GPR39: variants seen among roughly 807,000 people sequenced by gnomAD.
GPR39 encodes the protein zinc sensing receptor.
A neutral mutation model predicts 18.4 loss-of-function variants in GPR39; 23 were observed. That is an observed-to-expected ratio of 1.25 (90% CI 0.90 to 1.77). The LOEUF is 1.77. Among genes scored for constraint, GPR39 ranks in the 40% most tolerant of loss-of-function variants. GPR39 has a pLI of 0.00. For missense variants in GPR39, 647 were observed against 602.4 expected (o/e 1.07, Z -0.78); for synonymous variants, 280 against 257.9 (o/e 1.09, Z -0.82).
chr2:132,419,062 T>C (rs1679962086), intron 1 of GPR39, among the ~76,000 whole-genome samples: 1 of 152,116 alleles, frequency 6.6e-6, no homozygotes, highest in Non-Finnish European at 1.5e-5. Flanking sequence ...GCTTCCAGTG[T>C]GTCATTAATT....
At chr2:132,462,765 T>C (rs1680857975) in intron 1 of GPR39, among the ~76,000 whole-genome samples, 1 of 152,230 alleles carries the variant, frequency 6.6e-6, no homozygotes, top group Non-Finnish European at 1.5e-5. Context: ...CTCTCTGCCT[T>C]GGTTTCCTCA....
chr2:132,593,818 G>C (rs12616373), intron 1 of GPR39, among the ~76,000 whole-genome samples: 61,823 of 151,666 alleles, frequency 0.41, 14,475 homozygotes, highest in East Asian at 0.8. Flanking sequence ...AGATATTTGA[G>C]GCTGCAAGTC....
chr2:132,566,280 C>A (rs1203683308), intron 1 of GPR39, among the ~76,000 whole-genome samples: 2 of 145,690 alleles, frequency 1.4e-5, no homozygotes, highest in East Asian at 4.0e-4. Flanking sequence ...TGTTTGAGTT[C>A]ATTGTAGATT....
At chr2:132,597,776 A>G (rs903553971) in intron 1 of GPR39, among the ~76,000 whole-genome samples, 1 of 152,238 alleles carries the variant, frequency 6.6e-6, no homozygotes, top group Non-Finnish European at 1.5e-5. Flanking sequence ...TATGAAAATG[A>G]TGATGAAAAT....
At chr2:132,589,878 T>C (rs529773572) in intron 1 of GPR39, among the ~76,000 whole-genome samples, 1 of 152,236 alleles carries the variant, frequency 6.6e-6, no homozygotes, top group Non-Finnish European at 1.5e-5. Flanking sequence ...TTTGTTTTAT[T>C]AAGGGAAGGG....
chr2:132,572,711 C>T (rs1459033307), intron 1 of GPR39, among the ~76,000 whole-genome samples: 1 of 152,122 alleles, frequency 6.6e-6, no homozygotes. Context: ...CACTTTCCCC[C>T]AAGTGGTAGC....
At chr2:132,484,634 G>T (rs761557489) in intron 1 of GPR39, among the ~76,000 whole-genome samples, 29 of 152,230 alleles carry the variant, frequency 1.9e-4, no homozygotes, top group Non-Finnish European at 3.4e-4. Flanking sequence ...TTCAGGGTAA[G>T]AATAAAGTAG....
intron 1 of GPR39, among the ~76,000 whole-genome samples, chr2:132,635,138 C>A (rs186310817): frequency 6.6e-6 from 1 of 152,306 alleles, no homozygotes. Context: ...ATGAGCCAGG[C>A]ACTAGGCCCC....
At chr2:132,564,362 C>G (rs909573882) in intron 1 of GPR39, among the ~76,000 whole-genome samples, 17 of 152,194 alleles carry the variant, frequency 1.1e-4, no homozygotes, top group Admixed American at 1.1e-3. Context: ...GAGCACATTA[C>G]AGATAATAAA....
chr2:132,585,744 C>T (rs1355255209), intron 1 of GPR39, among the ~76,000 whole-genome samples: 1 of 151,860 alleles, frequency 6.6e-6, no homozygotes, highest in African/African-American at 2.4e-5. Context: ...CCGGACAGCC[C>T]GGTGTTTTCT....
chr2:132,460,872 G>A (rs554164214), intron 1 of GPR39, among the ~76,000 whole-genome samples: 94 of 152,292 alleles, frequency 6.2e-4, no homozygotes, highest in African/African-American at 2.1e-3. Context: ...GGGCTTGCTC[G>A]GGGTTGGGCT....
intron 1 of GPR39, among the ~76,000 whole-genome samples, chr2:132,469,099 GTGGCAA>G (rs1043946233): frequency 2.6e-5 from 4 of 152,186 alleles, no homozygotes; most frequent in Non-Finnish European, 4.4e-5. Context: ...GAGACTGTAG[GTGGCAA>G]TTCCTGCAAG....
intron 1 of GPR39, among the ~76,000 whole-genome samples, chr2:132,551,746 C>T (rs554282664): frequency 1.2e-4 from 18 of 152,166 alleles, no homozygotes; most frequent in South Asian, 2.1e-4. Context: ...AAATGTAGAT[C>T]GAGAGGATAA....
chr2:132,635,251 C>T (rs766861396), intron 1 of GPR39, among the ~76,000 whole-genome samples: 2 of 152,212 alleles, frequency 1.3e-5, no homozygotes, highest in Non-Finnish European at 2.9e-5. Flanking sequence ...TCTTTCCCTC[C>T]TGCAAACATT....
chr2:132,584,965 G>C (rs550068375), intron 1 of GPR39, among the ~76,000 whole-genome samples: 2 of 152,202 alleles, frequency 1.3e-5, no homozygotes, highest in Non-Finnish European at 2.9e-5. Context: ...ACGGGGGAAG[G>C]GGAGGCCATG....
intron 1 of GPR39, among the ~76,000 whole-genome samples, chr2:132,514,408 T>C (rs1218681895): frequency 6.6e-6 from 1 of 152,204 alleles, no homozygotes; most frequent in East Asian, 1.9e-4. Context: ...TATCCAAGGA[T>C]ATCTGGAGCA....
chr2:132,499,694 T>A (rs1678972948), intron 1 of GPR39, among the ~76,000 whole-genome samples: 1 of 152,228 alleles, frequency 6.6e-6, no homozygotes, highest in South Asian at 2.1e-4. Context: ...TACCCATCCA[T>A]GAGCATGGGA....
At chr2:132,564,028 C>T (rs1680302927) in intron 1 of GPR39, among the ~76,000 whole-genome samples, 1 of 152,212 alleles carries the variant, frequency 6.6e-6, no homozygotes, top group Non-Finnish European at 1.5e-5. Context: ...CAAGCACATC[C>T]TCCCACAGCC....
chr2:132,612,821 A>C (rs1318186206), intron 1 of GPR39, among the ~76,000 whole-genome samples: 1 of 152,208 alleles, frequency 6.6e-6, no homozygotes, highest in Non-Finnish European at 1.5e-5. Flanking sequence ...TTCTACATAA[A>C]TTTTAGAATC....
Sources: gnomAD v4.1 joint callset for allele counts (sites outside exome capture counted in the v4.1 genomes callset) on GRCh38, gnomAD v4.1.1 for gene constraint, MANE v1.5 for transcripts, NCBI Gene and HGNC (gene_info 2026-07-23, HGNC 2026-07-21) for gene names.